PPP1R21: variants seen among roughly 807,000 people sequenced by gnomAD.
PPP1R21 encodes protein phosphatase 1 regulatory subunit 21, also known as KLRAQ motif containing 1.
In PPP1R21, 85 loss-of-function variants were observed where a neutral mutation model predicts 112.8. The ratio of observed to expected loss-of-function variants is 0.75; its 90% confidence interval spans 0.63 to 0.90. The LOEUF (loss-of-function observed/expected upper bound fraction) is 0.90, where lower values mean the gene tolerates loss of function less well. PPP1R21 is among the 40% of genes least tolerant of loss of function. PPP1R21 has a pLI of 0.00. For synonymous variants in PPP1R21, 381 were observed against 322.3 expected (o/e 1.18, Z -1.95); for missense variants, 1,199 against 901.5 (o/e 1.33, Z -4.23).
chr2:48,505,896 A>G (rs1262432515), intron 18 of PPP1R21, among the ~76,000 whole-genome samples: 2 of 152,096 alleles, frequency 1.3e-5, no homozygotes, highest in Non-Finnish European at 2.9e-5. Context: ...CTGGCATACT[A>G]CATGAGGCTG....
chr2:48,474,596 A>T, intron 11 of PPP1R21, 87 bp from the exon 12 acceptor site: 1 of 1,186,048 alleles, frequency 8.4e-7, no homozygotes, highest in South Asian at 1.5e-5. Flanking sequence ...CTCTTTGGAT[A>T]TAGTTGTTTG....
chr2:48,509,091 T>G (rs892784793), intron 19 of PPP1R21, among the ~76,000 whole-genome samples: 1 of 152,124 alleles, frequency 6.6e-6, no homozygotes, highest in Non-Finnish European at 1.5e-5. Context: ...AACAATATTG[T>G]GAAATAGGAT....
rs779394040 is a variant in PPP1R21 at position 48,474,727 on chromosome 2, G to A, written c.1133G>A (p.Arg378Lys). The A allele has an allele frequency of 1.2e-6, 2 of 1,613,392 alleles. No individual in the cohort carries two copies. The highest frequency in any genetic ancestry group is 1.7e-6 in the Non-Finnish European group (2 of 1,179,638). Reference sequence around the variant, plus strand: ...TCCTCTCTTTGCACATCTGCGTTAAGAGCCAGGAATCTAGAGCTGTCCCAG... The same window carrying A: ...TCCTCTCTTTGCACATCTGCGTTAAAAGCCAGGAATCTAGAGCTGTCCCAG... ...CESSLCTSAL[R>K]ARNLELSQDM... The change falls in exon 12 of 22, where the codon AGA becomes AAA. Residue 378 changes from arginine to lysine, a missense_variant. Transcript: ENST00000294952.
At chr2:48,477,140 T>C (rs1054950909) in intron 12 of PPP1R21, among the ~76,000 whole-genome samples, 2 of 149,296 alleles carry the variant, frequency 1.3e-5, no homozygotes, top group Non-Finnish European at 3.0e-5. Context: ...TTTTTTTTTT[T>C]AGACAGAGTC....
At chr2:48,442,311 A>G (rs1454550868) in intron 1 of PPP1R21, among the ~76,000 whole-genome samples, 1 of 152,200 alleles carries the variant, frequency 6.6e-6, no homozygotes, top group Non-Finnish European at 1.5e-5. Context: ...AAAAAATAAG[A>G]AAATGTTTCG....
chr2:48,444,169 G>T (rs1389079376), intron 1 of PPP1R21, among the ~76,000 whole-genome samples: 1 of 152,200 alleles, frequency 6.6e-6, no homozygotes, highest in Non-Finnish European at 1.5e-5. Context: ...ATTGCTAAAA[G>T]AAAGTGTTAT....
In PPP1R21 at chr2:48,460,145, G is replaced by T. The variant is rs115819762; in HGVS notation, c.591G>T (p.Thr197=). The T allele has an allele frequency of 6.2e-7, 1 of 1,614,064 alleles. No individual in the cohort carries two copies. The highest frequency in any genetic ancestry group is 1.1e-5 in the South Asian group (1 of 91,068). Residue 197 remains threonine (T), a synonymous_variant, in exon 6 of 22, where the codon ACG becomes ACT. Coordinates refer to ENST00000294952, the MANE Select transcript of PPP1R21 (RefSeq NM_001135629.3). ...AAGCCAAGGAATGTCGACTTCGAACGGAAGAATGGTATGTGGAAACTTGAA... is the reference window on the plus strand; with the variant it reads ...AAGCCAAGGAATGTCGACTTCGAACTGAAGAATGGTATGTGGAAACTTGAA... ...EKEAKECRLR[T]EECQLQLKTL...
intron 6 of PPP1R21, 57 bp downstream of exon 6, chr2:48,460,210 T>A (rs1204692370): frequency 1.3e-6 from 2 of 1,563,084 alleles, no homozygotes; most frequent in Middle Eastern, 1.7e-4. Context: ...AAGACATGGG[T>A]TTTGGTTGTA....
At chr2:48,509,910 A>T (rs754225744) in intron 19 of PPP1R21, 105 bp from the exon 20 acceptor site, 4 of 658,018 alleles carry the variant, frequency 6.1e-6, no homozygotes, top group Non-Finnish European at 7.9e-6. Context: ...TGTGGAATGA[A>T]TGAGTAGCTT....
chr2:48,471,469 A>G lies in PPP1R21; in HGVS notation c.1088+102A>G, dbSNP rs74827973. On this transcript the variant is annotated intron_variant, in intron 11 of 21. Coordinates refer to ENST00000294952, the MANE Select transcript of PPP1R21 (RefSeq NM_001135629.3). Reference sequence around the variant, plus strand: ...ACATGTGCCTCTTGTGATCTGCCTGACTTTTCTGCTTCACAGTTAATTTGG... The same window carrying G: ...ACATGTGCCTCTTGTGATCTGCCTGGCTTTTCTGCTTCACAGTTAATTTGG... The G allele has an allele frequency of 2.0e-3, 2,283 of 1,161,468 alleles. 32 individuals are homozygous for G. Among genetic ancestry groups the G allele is most frequent in the African/African-American group, 0.019 (1,221 of 65,018 alleles). The allele number at this position is 1,161,468 out of a possible 1,614,324, so 71.9% of individuals were successfully genotyped here.
intron 1 of PPP1R21, among the ~76,000 whole-genome samples, chr2:48,446,468 A>T (rs1423797637): frequency 6.6e-6 from 1 of 152,178 alleles, no homozygotes; most frequent in African/African-American, 2.4e-5. Context: ...GTCCAATAGG[A>T]TCATGAGGTT....
chr2:48,476,500 C>G (rs1378188347), intron 12 of PPP1R21, among the ~76,000 whole-genome samples: 1 of 152,178 alleles, frequency 6.6e-6, no homozygotes, highest in African/African-American at 2.4e-5. Context: ...TGTGGCAACT[C>G]TGCTTAACTG....
At position 48,474,649 on chromosome 2, in the gene PPP1R21, G is replaced by T. The variant is rs745973233; in HGVS notation, c.1089-34G>T. On this transcript the variant is annotated intron_variant, in intron 11 of 21. Transcript: ENST00000294952. ...TAGTAGCTAATTGAAAATCGTTTGG[G>T]ATGCTCACTTCTTAAAAATCTGCCT... is the stretch of plus-strand genomic sequence containing the variant. The T allele has an allele frequency of 3.2e-6, 5 of 1,582,886 alleles. No homozygotes were observed. The African/African-American group carries it at 6.8e-5, about 22-fold the overall frequency.
rs1420467323 is a variant in PPP1R21 at position 48,460,167 on chromosome 2, T to C, written c.599+14T>C. On this transcript the variant is annotated intron_variant, in intron 6 of 21. Transcript: ENST00000294952. ...AACGGAAGAATGGTATGTGGAAACT[T>C]GAATTCCAAGAGGGTTCTGAAGCAA... is the stretch of plus-strand genomic sequence containing the variant. The C allele has an allele frequency of 6.2e-7, 1 of 1,613,780 alleles. No homozygotes were observed. Among genetic ancestry groups the C allele is most frequent in the Non-Finnish European group, 8.5e-7 (1 of 1,179,764 alleles).
intron 1 of PPP1R21, among the ~76,000 whole-genome samples, chr2:48,447,761 C>T (rs1362438014): frequency 6.6e-6 from 1 of 152,008 alleles, no homozygotes; most frequent in Non-Finnish European, 1.5e-5. Context: ...CCAGCCTGGT[C>T]AACATGGTGA....
At position 48,514,796 on chromosome 2, in the gene PPP1R21, CAG is replaced by C. The variant is rs532261313; in HGVS notation, c.*55_*56del. On this transcript the variant is annotated 3_prime_UTR_variant, in exon 22 of 22. Coordinates refer to ENST00000294952, the MANE Select transcript of PPP1R21 (RefSeq NM_001135629.3). ...TCTTTCCAGACCTGCTCCTGCTGCA[CAG>C]AGCCGCAGGGCTGAGACCACGTCCA... is the stretch of plus-strand genomic sequence containing the variant. 2.6e-3 allele frequency: 4,195 copies of C among 1,602,448 alleles called. 35 individuals carry two copies. Among genetic ancestry groups the C allele is most frequent in the Non-Finnish European group, 2.0e-3 (2,347 of 1,171,154 alleles).
intron 8 of PPP1R21, 33 bp downstream of exon 8, chr2:48,465,022 T>C (rs1207859405): frequency 6.6e-7 from 1 of 1,518,302 alleles, no homozygotes; most frequent in Non-Finnish European, 8.9e-7. Context: ...TTATTTTCAG[T>C]TATATATACA....
At chr2:48,466,647 G>A (rs1668216852) in intron 9 of PPP1R21, among the ~76,000 whole-genome samples, 1 of 152,076 alleles carries the variant, frequency 6.6e-6, no homozygotes, top group African/African-American at 2.4e-5. Flanking sequence ...GATTCTTTGG[G>A]GATTTGAATG....
chr2:48,472,880 G>C (rs1168339279), intron 11 of PPP1R21, among the ~76,000 whole-genome samples: 1 of 150,814 alleles, frequency 6.6e-6, no homozygotes, highest in African/African-American at 2.4e-5. Context: ...GAGCCCAGGA[G>C]TTTGAGGCTG....
Sources: allele counts gnomAD v4.1 joint callset (sites outside exome capture counted in the v4.1 genomes callset), GRCh38; gene constraint gnomAD v4.1.1; transcripts MANE v1.5; gene names NCBI Gene and HGNC (gene_info 2026-07-23, HGNC 2026-07-21).